TRERF1: variants seen among roughly 807,000 people sequenced by gnomAD.
The protein encoded by TRERF1 is transcriptional-regulating factor 1.
TRERF1 carries 27 observed loss-of-function variants against 122.9 expected under a neutral mutation model. The ratio of observed to expected loss-of-function variants is 0.22; its 90% confidence interval spans 0.16 to 0.30. The LOEUF is 0.30. Among genes scored for constraint, TRERF1 ranks in the 10% least tolerant of loss-of-function variants. TRERF1 has a pLI of 1.00. For synonymous variants in TRERF1, 636 were observed against 641.7 expected (o/e 0.99, Z 0.13); for missense variants, 1,248 against 1,560.3 (o/e 0.80, Z 3.37).
chr6:42,378,423 G>T (rs1775294803), intron 2 of TRERF1, among the ~76,000 whole-genome samples: 1 of 151,516 alleles, frequency 6.6e-6, no homozygotes, highest in African/African-American at 2.4e-5. Context: ...AAAGTAACCG[G>T]CACTGAGAAA....
chr6:42,343,562 C>G (rs1767698699), intron 3 of TRERF1, among the ~76,000 whole-genome samples: 1 of 152,158 alleles, frequency 6.6e-6, no homozygotes, highest in African/African-American at 2.4e-5. Flanking sequence ...ACTCTAGACA[C>G]TGGTCCTCCC....
Position 42,348,047 on chromosome 6 carries a change from T to C in TRERF1, c.-371+14950A>G, listed in dbSNP as rs190690864. On this transcript the variant is annotated intron_variant, in intron 3 of 17. Coordinates refer to ENST00000372922, the Ensembl canonical transcript of TRERF1. ...CTTGAGTAAATAGGAACCTTGCCAA[T>C]AGTGACCTTCACAAATGTGAGTTAC... Among the ~76,000 whole-genome samples, 5 of 152,294 alleles carry C rather than the reference T, an allele frequency of 3.3e-5. No homozygotes were observed. In the East Asian group the frequency reaches 9.6e-4, roughly 29 times the overall value.
At chr6:42,295,458 T>C (rs1214964448) in intron 4 of TRERF1, among the ~76,000 whole-genome samples, 3 of 152,168 alleles carry the variant, frequency 2.0e-5, no homozygotes, top group African/African-American at 7.2e-5. Context: ...TAATGGGAGA[T>C]GGTGCTCCAA....
At chr6:42,447,409 C>T (rs1039940926) in intron 2 of TRERF1, among the ~76,000 whole-genome samples, 2 of 152,202 alleles carry the variant, frequency 1.3e-5, no homozygotes, top group African/African-American at 2.4e-5. Context: ...TGGCAACGCA[C>T]GCCAGTAACT....
At chr6:42,374,746 A>C (rs879874806) in intron 2 of TRERF1, among the ~76,000 whole-genome samples, 6 of 151,928 alleles carry the variant, frequency 3.9e-5, no homozygotes, top group Admixed American at 6.6e-5. Flanking sequence ...GGTGGCTCAC[A>C]CCTGCAATCC....
intron 8 of TRERF1, among the ~76,000 whole-genome samples, chr6:42,261,777 C>T (rs759910882): frequency 6.6e-6 from 1 of 152,174 alleles, no homozygotes; most frequent in Non-Finnish European, 1.5e-5. Context: ...CCCCCACCAA[C>T]GAGGTCTCTC....
chr6:42,229,950 T>C (rs1770176691), intron 17 of TRERF1, among the ~76,000 whole-genome samples: 1 of 152,162 alleles, frequency 6.6e-6, no homozygotes, highest in East Asian at 1.9e-4. Flanking sequence ...AGCTGAGCAG[T>C]TATGATAAAG....
chr6:42,368,661 C>A (rs1773202838), intron 2 of TRERF1, among the ~76,000 whole-genome samples: 1 of 152,140 alleles, frequency 6.6e-6, no homozygotes, highest in Admixed American at 6.5e-5. Flanking sequence ...GGACTCCAGG[C>A]AGTAGTTTTT....
At chr6:42,353,879 G>C (rs1017005633) in intron 3 of TRERF1, among the ~76,000 whole-genome samples, 3 of 152,182 alleles carry the variant, frequency 2.0e-5, no homozygotes, top group African/African-American at 7.2e-5. Flanking sequence ...AAGATTATGG[G>C]AGGATTTTAA....
chr6:42,256,603 G>A lies in TRERF1; in HGVS notation c.2580+125C>T, dbSNP rs559339554. 4.1e-5 allele frequency: 30 copies of A among 736,906 alleles called. No homozygotes were observed. In the African/African-American group the frequency reaches 4.2e-4, roughly 10 times the overall value. 45.6% of individuals were successfully genotyped at this position (736,906 alleles called of 1,614,324 possible). ...CCACCGAGAGAAGGAATAGGGAGGC[G>A]TGCTGATTGGTCATCATGCGCCGAT... On this transcript the variant is annotated intron_variant, in intron 12 of 17. Transcript: ENST00000372922.
chr6:42,396,012 GT>G (rs1562129652), intron 2 of TRERF1, among the ~76,000 whole-genome samples: 1 of 152,066 alleles, frequency 6.6e-6, no homozygotes, highest in Non-Finnish European at 1.5e-5. Flanking sequence ...TCATGCACAC[GT>G]GTATGTGTGC....
chr6:42,367,393 G>A (rs374183142), intron 2 of TRERF1, among the ~76,000 whole-genome samples: 13 of 152,182 alleles, frequency 8.5e-5, no homozygotes, highest in Admixed American at 2.0e-4. Flanking sequence ...GTGAATGCCC[G>A]GGTTTCAAAA....
At chr6:42,312,986 G>A (rs1201294612) in intron 3 of TRERF1, among the ~76,000 whole-genome samples, 3 of 152,160 alleles carry the variant, frequency 2.0e-5, no homozygotes, top group Non-Finnish European at 2.9e-5. Context: ...TTGCAGCCTC[G>A]ACCCTGGGGC....
chr6:42,338,202 G>A (rs1766573870), intron 3 of TRERF1, among the ~76,000 whole-genome samples: 1 of 152,216 alleles, frequency 6.6e-6, no homozygotes, highest in Non-Finnish European at 1.5e-5. Context: ...CTAGCCACGT[G>A]TCAGAGCTGG....
intron 13 of TRERF1, among the ~76,000 whole-genome samples, chr6:42,249,719 A>G (rs1359245826): frequency 6.6e-6 from 1 of 152,204 alleles, no homozygotes; most frequent in Non-Finnish European, 1.5e-5. Flanking sequence ...CAGGGAGCAC[A>G]GTCTTAAGAC....
intron 4 of TRERF1, among the ~76,000 whole-genome samples, chr6:42,270,659 A>G (rs1284833649): frequency 2.6e-5 from 4 of 151,982 alleles, no homozygotes; most frequent in African/African-American, 9.7e-5. Flanking sequence ...TAAGAGAAGC[A>G]GGGTGTGATG....
intron 13 of TRERF1, among the ~76,000 whole-genome samples, chr6:42,252,386 C>A (rs1775984501): frequency 6.6e-6 from 1 of 152,274 alleles, no homozygotes; most frequent in Non-Finnish European, 1.5e-5. Context: ...CCCGCCCTGA[C>A]ATGGACAGGC....
intron 2 of TRERF1, among the ~76,000 whole-genome samples, chr6:42,421,399 G>T (rs1441059957): frequency 6.6e-6 from 1 of 152,052 alleles, no homozygotes; most frequent in Non-Finnish European, 1.5e-5. Flanking sequence ...AGAAACAAAT[G>T]CTGACCCATG....
intron 13 of TRERF1, among the ~76,000 whole-genome samples, chr6:42,249,079 C>G (rs574909934): frequency 2.6e-4 from 39 of 152,318 alleles, no homozygotes; most frequent in African/African-American, 9.1e-4. Flanking sequence ...CAATGGCGGT[C>G]TGTCATACCA....
Sources: allele counts gnomAD v4.1 joint callset (sites outside exome capture counted in the v4.1 genomes callset), GRCh38; gene constraint gnomAD v4.1.1; transcripts MANE v1.5; gene names NCBI Gene and HGNC (gene_info 2026-07-23, HGNC 2026-07-21).